The following FCSK variants were observed in gnomAD, a reference collection of about 807,000 sequenced individuals.
FCSK encodes fucose kinase.
FCSK carries 123 observed loss-of-function variants against 122.5 expected under a neutral mutation model. The observed-to-expected ratio is 1.00, with a 90% CI of 0.87 to 1.17. The LOEUF is 1.17. Ranked by LOEUF, FCSK falls within the 50% of genes most tolerant of loss-of-function variation. The pLI is 0.00. For synonymous variants in FCSK, 620 were observed against 625.5 expected (o/e 0.99, Z 0.13); for missense variants, 1,366 against 1,450.4 (o/e 0.94, Z 0.95).
intron 1 of FCSK, among the ~76,000 whole-genome samples, chr16:70,459,656 C>CTTT (rs1333103356): frequency 3.2e-4 from 41 of 130,002 alleles, no homozygotes; most frequent in Admixed American, 4.7e-4. Flanking sequence ...ATTTCTCCGT[C>CTTT]TTTTTTTTTT....
At chr16:70,472,406 G>T in intron 13 of FCSK, 135 bp from the exon 14 acceptor site, 1 of 633,672 alleles carries the variant, frequency 1.6e-6, no homozygotes. Flanking sequence ...CTCCAGCCTG[G>T]GTGGGTCAAG....
At position 70,459,653 on chromosome 16, in the gene FCSK, C is replaced by T. The variant is rs142888628; in HGVS notation, c.-22-3516C>T. Among the ~76,000 whole-genome samples the T allele has an allele frequency of 6.2e-3, 906 of 147,288 alleles. 19 individuals carry two copies. The highest frequency in any genetic ancestry group is 0.023 in the African/African-American group (854 of 37,618). On this transcript the variant is annotated intron_variant, in intron 1 of 23. Transcript: ENST00000288078. The stretch of plus-strand genomic sequence containing the variant: ...TTCATCTCTCTGTGCCTCATTTCTC[C>T]GTCTTTTTTTTTTTTTTTTTTTGTA...
chr16:70,474,602 C>G lies in FCSK; in HGVS notation c.2063C>G (p.Ser688Ter). The change falls in exon 17 of 24, where the codon TCA (serine) becomes TGA (stop). Residue 688 changes from serine to a stop codon, truncating the protein, a stop_gained. Transcript: ENST00000288078. LOFTEE classifies it high-confidence loss of function. ...ATCCTGATCCGCCAGGCTGTGATGT[C>G]AGCCCAGCACTTTGTCTCCACAGAG... The part of the protein sequence containing the change: ...GQILIRQAVM[S>*]AQHFVSTEQV... 2 of 1,576,888 alleles carry G rather than the reference C, an allele frequency of 1.3e-6. No homozygotes were observed. Among genetic ancestry groups the G allele is most frequent in the African/African-American group, 1.3e-5 (1 of 74,404 alleles).
chr16:70,475,911 C>A, intron 20 of FCSK, 144 bp downstream of exon 20: 1 of 853,356 alleles, frequency 1.2e-6, no homozygotes, highest in Non-Finnish European at 1.7e-6. Flanking sequence ...CTTCTAGTCA[C>A]TTTGACCTTC....
Position 70,479,752 on chromosome 16 carries a change from C to A in FCSK, c.*72C>A, listed in dbSNP as rs2048941230. 1 of 1,160,488 alleles carries A rather than the reference C, an allele frequency of 8.6e-7. No homozygotes were observed. Among genetic ancestry groups the A allele is most frequent in the African/African-American group, 1.5e-5 (1 of 65,536 alleles). 71.9% of individuals were successfully genotyped at this position (1,160,488 alleles called of 1,614,324 possible). A position where few individuals can be genotyped will look rare whatever the true frequency, so the allele number is the denominator to read the frequency against. On this transcript the variant is annotated 3_prime_UTR_variant, in exon 24 of 24. Transcript: ENST00000288078. ...CCCCACCTTCCTTGCCCCATGGGAA[C>A]CTCCACCTCCTACTCCCCACCCACC...
In FCSK at chr16:70,471,236, T is replaced by A; in HGVS notation, c.1225T>A (p.Ser409Thr). ...GGTGACTGGCCTGGATACAGCCCAC[T>A]CCAAGGCCCTGCATGGCCGGGAGCT... ...CLVTGLDTAH[S>T]KALHGRELRD... The change falls in exon 13 of 24, where the codon TCC becomes ACC. Residue 409 changes from serine to threonine, a missense_variant. Ser to Thr is a moderately conservative substitution (Grantham distance 58). Coordinates refer to ENST00000288078, the MANE Select transcript of FCSK (RefSeq NM_145059.3). 2.5e-6 allele frequency: 4 copies of A among 1,611,042 alleles called. No individual in the cohort carries two copies. The highest frequency in any genetic ancestry group is 3.4e-6 in the Non-Finnish European group (4 of 1,179,332).
rs765675488 is a variant in FCSK at position 70,463,179 on chromosome 16, C to T, written c.-12C>T. 4.2e-5 allele frequency: 67 copies of T among 1,612,486 alleles called. No individual in the cohort carries two copies. The Admixed American group carries it at 7.7e-4, about 18-fold the overall frequency. Reference sequence around the variant, plus strand: ...ATATTGCTGTCTCAGGAAGCCCCTCCGCTTGGCCAGAATGGAGCAGCCGAA... The same window carrying T: ...ATATTGCTGTCTCAGGAAGCCCCTCTGCTTGGCCAGAATGGAGCAGCCGAA... On this transcript the variant is annotated 5_prime_UTR_variant, in exon 2 of 24. Transcript: ENST00000288078.
intron 22 of FCSK, chr16:70,478,871 G>A: frequency 1.4e-6 from 1 of 699,714 alleles, no homozygotes; most frequent in Admixed American, 2.0e-5. Flanking sequence ...GCCCTAACAG[G>A]AAGCAGAGAG....
rs753071389 is a variant in FCSK, at chr16:70,467,891, T to A, written c.588T>A (p.Leu196=). The A allele has an allele frequency of 1.9e-6, 3 of 1,614,064 alleles. No homozygotes were observed. The highest frequency in any genetic ancestry group is 1.1e-5 in the South Asian group (1 of 91,080). Residue 196 remains leucine, a synonymous_variant, in exon 8 of 24, where the codon CTT becomes CTA. Transcript: ENST00000288078. ...CTGTTTCTCCCTGCACATAGGGCCT[T>A]GTTTTGGACATTTACTACCAGGGCA... ...HGVYLTDPQG[L]VLDIYYQGTE...
chr16:70,476,696 G>T (rs2048829033), intron 20 of FCSK, among the ~76,000 whole-genome samples: 1 of 152,158 alleles, frequency 6.6e-6, no homozygotes, highest in Non-Finnish European at 1.5e-5. Flanking sequence ...GCCTGACTGT[G>T]GTGTTTTCTG....
chr16:70,459,882 A>G (rs1219358501), intron 1 of FCSK, among the ~76,000 whole-genome samples: 1 of 149,000 alleles, frequency 6.7e-6, no homozygotes, highest in African/African-American at 2.5e-5. Context: ...GCTCACTGCA[A>G]TCTCTGTCTC....
Position 70,464,588 on chromosome 16 carries a change from G to GTTGCAGTGAGCTGAGATCATGCCA in FCSK, c.235-484_235-461dup, listed in dbSNP as rs560234038. On this transcript the variant is annotated intron_variant, in intron 3 of 23. Transcript: ENST00000288078. Reference sequence around the variant, plus strand: ...AGTCGCTTGAACCCAGGAGGTGGAGGTTGCAGTGAGCTGAGATCATGCCAT... The same window carrying GTTGCAGTGAGCTGAGATCATGCCA: ...AGTCGCTTGAACCCAGGAGGTGGAGGTTGCAGTGAGCTGAGATCATGCCATTGCAGTGAGCTGAGATCATGCCAT... Among the ~76,000 whole-genome samples the GTTGCAGTGAGCTGAGATCATGCCA allele has an allele frequency of 3.4e-5, 5 of 148,692 alleles. No homozygotes were observed. In the South Asian group the frequency reaches 8.4e-4, roughly 25 times the overall value.
intron 1 of FCSK, among the ~76,000 whole-genome samples, chr16:70,455,984 G>C (rs2048084015): frequency 6.6e-6 from 1 of 151,722 alleles, no homozygotes; most frequent in South Asian, 2.1e-4. Flanking sequence ...GGAGTTGTAG[G>C]TCAGCCTGGG....
At position 70,479,386 on chromosome 16, in the gene FCSK, G is replaced by A; in HGVS notation, c.3136G>A (p.Val1046Met). Reference protein sequence around the residue: ...EPQQKEALEAVLAKTEGLGNY... With the variant: ...EPQQKEALEAMLAKTEGLGNY... ...ACAGCAAAAGGAGGCCTTGGAGGCG[G>A]TGCTGGCCAAGACCGAGGTACTGAT... Residue 1046 changes from valine (V) to methionine (M), a missense_variant, in exon 23 of 24, where the codon GTG becomes ATG. Coordinates refer to ENST00000288078, the MANE Select transcript of FCSK (RefSeq NM_145059.3). The A allele has an allele frequency of 6.2e-7, 1 of 1,613,410 alleles. No individual in the cohort carries two copies. The highest frequency in any genetic ancestry group is 2.2e-5 in the East Asian group (1 of 44,886).
At chr16:70,467,532 C>G in intron 7 of FCSK, 61 bp downstream of exon 7, 1 of 1,295,372 alleles carries the variant, frequency 7.7e-7, no homozygotes, top group South Asian at 1.3e-5. Context: ...AGTGGGCAGC[C>G]TCCTCCCTGT....
Position 70,465,140 on chromosome 16 carries a change from T to C in FCSK, c.249T>C (p.Asp83=), listed in dbSNP as rs1387675870. ...ARAGFTVVTS[D]VLHSAWILIL... The stretch of plus-strand genomic sequence containing the variant: ...CACTCCTGCAGGTGGTCACATCCGA[T>C]GTCCTGCACTCGGCCTGGATCCTCA... The change falls in exon 4 of 24, where the codon GAT becomes GAC. Residue 83 remains aspartate (D), a synonymous_variant. Transcript: ENST00000288078. 1.2e-6 allele frequency: 2 copies of C among 1,613,756 alleles called. No homozygotes were observed. The highest frequency in any genetic ancestry group is 3.3e-5 in the Admixed American group (2 of 59,980).
intron 19 of FCSK, 45 bp downstream of exon 19, chr16:70,475,538 T>G: frequency 6.3e-7 from 1 of 1,594,346 alleles, no homozygotes. Flanking sequence ...GTTACAGCCC[T>G]CCAGCCTTGC....
rs144953377 is a variant in FCSK, at chr16:70,463,883, G to A, written c.234+109G>A. 3.2e-6 allele frequency: 4 copies of A among 1,240,252 alleles called. No homozygotes were observed. In the African/African-American group the frequency reaches 4.5e-5, roughly 14 times the overall value. 76.8% of individuals were successfully genotyped at this position (1,240,252 alleles called of 1,614,324 possible). Reference sequence around the variant, plus strand: ...CATCGCCTTGGCCAACTCAGCATTGGTCTCAGTTTTTGTTTCTGTAAATTG... The same window carrying A: ...CATCGCCTTGGCCAACTCAGCATTGATCTCAGTTTTTGTTTCTGTAAATTG... On this transcript the variant is annotated intron_variant, in intron 3 of 23. Transcript: ENST00000288078.
rs961116827 is a variant in FCSK, at chr16:70,468,986, G to C, written c.783+18G>C. On this transcript the variant is annotated intron_variant, in intron 9 of 23. Transcript: ENST00000288078. ...CTGTCCAGGTGACTGGGGGAGGGCAGCTAGGTGGGGCCTGGCTTGGGGGCG... is the reference window on the plus strand; with the variant it reads ...CTGTCCAGGTGACTGGGGGAGGGCACCTAGGTGGGGCCTGGCTTGGGGGCG... 1.9e-6 allele frequency: 3 copies of C among 1,611,866 alleles called. No individual in the cohort carries two copies. The highest frequency in any genetic ancestry group is 2.5e-6 in the Non-Finnish European group (3 of 1,179,882).
Sources: allele counts gnomAD v4.1 joint callset (sites outside exome capture counted in the v4.1 genomes callset), GRCh38; gene constraint gnomAD v4.1.1; transcripts MANE v1.5; gene names NCBI Gene and HGNC (gene_info 2026-07-23, HGNC 2026-07-21).